The following ADAMTS2 variants were observed in gnomAD, a reference collection of about 807,000 sequenced individuals.
ADAMTS2 encodes the protein A disintegrin and metalloproteinase with thrombospondin motifs 2.
In ADAMTS2, 50 loss-of-function variants were observed where a neutral mutation model predicts 123.0. That is an observed-to-expected ratio of 0.41 (90% CI 0.32 to 0.51). The LOEUF (loss-of-function observed/expected upper bound fraction) is 0.51, where lower values mean the gene tolerates loss of function less well. Ranked by LOEUF, ADAMTS2 falls within the 20% of genes least tolerant of loss-of-function variation. The pLI is 0.35. For missense variants in ADAMTS2, 1,494 were observed against 1,705.2 expected, an observed-to-expected ratio of 0.88 and a Z score of 2.18; for synonymous variants, 678 against 695.4, an observed-to-expected ratio of 0.98 and a Z score of 0.39.
Position 179,183,716 on chromosome 5 carries a change from G to A in ADAMTS2, c.892-2561C>T, listed in dbSNP as rs549283732. Among the ~76,000 whole-genome samples, 35 of 152,338 alleles carry A rather than the reference G, an allele frequency of 2.3e-4. 1 individual carries two copies. The highest frequency in any genetic ancestry group is 6.8e-3 in the Middle Eastern group (2 of 294). On this transcript the variant is annotated intron_variant, in intron 4 of 21. Coordinates refer to ENST00000251582, the MANE Select transcript of ADAMTS2 (RefSeq NM_014244.5). ...CAGGCTTCAGGGCAAGCCCAGGGGG[G>A]CACTGGCCTACAGGAGAGGAGGGCA...
chr5:179,341,962 T>C (rs1353862614), intron 2 of ADAMTS2, among the ~76,000 whole-genome samples: 1 of 152,176 alleles, frequency 6.6e-6, no homozygotes, highest in African/African-American at 2.4e-5. Flanking sequence ...CTTTTCCAGC[T>C]GGCCACTCAT....
At chr5:179,211,282 C>G (rs1168264629) in intron 3 of ADAMTS2, among the ~76,000 whole-genome samples, 1 of 152,244 alleles carries the variant, frequency 6.6e-6, no homozygotes, top group African/African-American at 2.4e-5. Context: ...GCGCACCCAT[C>G]TCCTGCAGAG....
Position 179,175,719 on chromosome 5 carries a change from T to G in ADAMTS2, c.975+5353A>C, listed in dbSNP as rs796354693. On this transcript the variant is annotated intron_variant, in intron 5 of 21. Transcript: ENST00000251582. The surrounding 1 kb of genome is among the most constrained non-coding windows in gnomAD (Gnocchi z 4.1). ...CTTTTAGGTTTTCCCGACACATGAT[T>G]AACAGCAAACAATGAGAATTTGTCT... is the stretch of plus-strand genomic sequence containing the variant. 2.6e-5 allele frequency among the ~76,000 whole-genome samples: 4 copies of G among 152,366 alleles called. No individual in the cohort carries two copies. The highest frequency in any genetic ancestry group is 7.2e-5 in the African/African-American group (3 of 41,586).
At chr5:179,204,643 C>T (rs1420978806) in intron 4 of ADAMTS2, among the ~76,000 whole-genome samples, 2 of 152,218 alleles carry the variant, frequency 1.3e-5, no homozygotes, top group African/African-American at 4.8e-5. Flanking sequence ...CCTCAGGACT[C>T]TCCGGGCATG....
At chr5:179,325,717 G>A (rs1289561332) in intron 2 of ADAMTS2, among the ~76,000 whole-genome samples, 4 of 152,274 alleles carry the variant, frequency 2.6e-5, no homozygotes, top group Non-Finnish European at 5.9e-5. Context: ...GGACCCACGG[G>A]GAGGGCGGCT....
chr5:179,329,154 C>CT (rs369186089), intron 2 of ADAMTS2, among the ~76,000 whole-genome samples: 33 of 152,080 alleles, frequency 2.2e-4, no homozygotes, highest in Admixed American at 7.2e-4. Context: ...GGTGAAACCC[C>CT]GTCTCTACTA....
intron 3 of ADAMTS2, among the ~76,000 whole-genome samples, chr5:179,268,190 CCCT>C (rs1255592474): frequency 6.6e-6 from 1 of 152,168 alleles, no homozygotes; most frequent in African/African-American, 2.4e-5. Flanking sequence ...GAGGGTCTGT[CCCT>C]CCTTGCAGGG....
intron 3 of ADAMTS2, among the ~76,000 whole-genome samples, chr5:179,263,630 C>G (rs1766287862): frequency 6.6e-6 from 1 of 152,240 alleles, no homozygotes; most frequent in African/African-American, 2.4e-5. Flanking sequence ...TGGCGCAGCC[C>G]ACACCTCACG....
intron 20 of ADAMTS2, 185 bp from the exon 21 acceptor site, chr5:179,121,935 C>T (rs1050334752): frequency 1.8e-5 from 8 of 450,314 alleles, no homozygotes; most frequent in South Asian, 4.5e-5. Flanking sequence ...TGACAGCAGC[C>T]GGGGTCTCAG....
intron 2 of ADAMTS2, among the ~76,000 whole-genome samples, chr5:179,311,913 T>C (rs1756844572): frequency 6.6e-6 from 1 of 152,198 alleles, no homozygotes; most frequent in Non-Finnish European, 1.5e-5. Context: ...TTAACAAGTA[T>C]CATTGAATCA....
In ADAMTS2 at chr5:179,343,983, G is replaced by A; in HGVS notation, c.318C>T (p.Gly106=). 1 of 1,612,696 alleles carries A rather than the reference G, an allele frequency of 6.2e-7. No individual in the cohort carries two copies. The highest frequency in any genetic ancestry group is 8.5e-7 in the Non-Finnish European group (1 of 1,179,874). ...CCGTGACATTGTAGAAGAGGTGACT[G>A]CCAGGCTCCTCCTCGTTGCCTCCGG... is the stretch of plus-strand genomic sequence containing the variant. ...SFPGGNEEEP[G]SHLFYNVTVF... Residue 106 remains glycine (G), a synonymous_variant, in exon 2 of 22, where the codon GGC becomes GGT. Coordinates refer to ENST00000251582, the MANE Select transcript of ADAMTS2 (RefSeq NM_014244.5).
At chr5:179,233,547 C>T (rs1010993931) in intron 3 of ADAMTS2, among the ~76,000 whole-genome samples, 43 of 152,086 alleles carry the variant, frequency 2.8e-4, no homozygotes, top group Non-Finnish European at 4.9e-4. Flanking sequence ...ATTAGCCAGG[C>T]GTGTTGGCAG....
In ADAMTS2 at chr5:179,337,798, T is replaced by A. The variant is rs199835921; in HGVS notation, c.534+5969A>T. ...GCTGATTCCCTTACTCACCCAGGTGTGGCCCCTGTGAGCCTCACAGCAGGC... is the reference window on the plus strand; with the variant it reads ...GCTGATTCCCTTACTCACCCAGGTGAGGCCCCTGTGAGCCTCACAGCAGGC... On this transcript the variant is annotated intron_variant, in intron 2 of 21. Transcript: ENST00000251582. 8.6e-3 allele frequency among the ~76,000 whole-genome samples: 1,288 copies of A among 150,144 alleles called. 16 individuals are homozygous for A. Among genetic ancestry groups the A allele is most frequent in the African/African-American group, 0.029 (1,190 of 40,910 alleles).
At position 179,260,883 on chromosome 5, in the gene ADAMTS2, T is replaced by C. The variant is rs573322811; in HGVS notation, c.688+12028A>G. Reference sequence around the variant, plus strand: ...CTTGGACAGTGGTAGCCCTGCACCTTAGTTTTCTCTCTGCTTCCAGGACTA... The same window carrying C: ...CTTGGACAGTGGTAGCCCTGCACCTCAGTTTTCTCTCTGCTTCCAGGACTA... On this transcript the variant is annotated intron_variant, in intron 3 of 21. Coordinates refer to ENST00000251582, the MANE Select transcript of ADAMTS2 (RefSeq NM_014244.5). The surrounding 1 kb of genome is among the most constrained non-coding windows in gnomAD (Gnocchi z 4.2). Among the ~76,000 whole-genome samples the C allele has an allele frequency of 6.6e-6, 1 of 152,286 alleles. No individual in the cohort carries two copies. Among genetic ancestry groups the C allele is most frequent in the East Asian group, 1.9e-4 (1 of 5,166 alleles).
At chr5:179,298,156 T>C (rs967518061) in intron 2 of ADAMTS2, among the ~76,000 whole-genome samples, 2 of 152,084 alleles carry the variant, frequency 1.3e-5, no homozygotes, top group African/African-American at 2.4e-5. Flanking sequence ...CTGACATTCA[T>C]AGAAGCTGAG....
In ADAMTS2 at chr5:179,308,372, G is replaced by A. The variant is rs1756734473; in HGVS notation, c.535-35308C>T. On this transcript the variant is annotated intron_variant, in intron 2 of 21. Transcript: ENST00000251582. The surrounding 1 kb of genome is among the most constrained non-coding windows in gnomAD (Gnocchi z 6.6). ...TCAGCGGTGCCCAGAGAGAGCACTC[G>A]AAATGCCAGCTGGAAAGGTCACGCA... 1.3e-5 allele frequency among the ~76,000 whole-genome samples: 2 copies of A among 152,148 alleles called. No individual in the cohort carries two copies. Among genetic ancestry groups the A allele is most frequent in the Non-Finnish European group, 1.5e-5 (1 of 68,026 alleles).
intron 3 of ADAMTS2, among the ~76,000 whole-genome samples, chr5:179,233,038 G>A (rs1276561199): frequency 6.6e-6 from 1 of 152,180 alleles, no homozygotes; most frequent in African/African-American, 2.4e-5. Flanking sequence ...AAACTCAAGT[G>A]AAAAAGGTTT....
At position 179,225,129 on chromosome 5, in the gene ADAMTS2, C is replaced by T. The variant is rs1561815271; in HGVS notation, c.689-17414G>A. ...CTGAGGAACACTCCCTGGTTATCCA[C>T]ACGGCAACTAACACTCAGCACGCAC... is the stretch of plus-strand genomic sequence containing the variant. On this transcript the variant is annotated intron_variant, in intron 3 of 21. Transcript: ENST00000251582. The surrounding 1 kb of genome is among the most constrained non-coding windows in gnomAD (Gnocchi z 4.5). Among the ~76,000 whole-genome samples, 1 of 152,214 alleles carries T rather than the reference C, an allele frequency of 6.6e-6. No individual in the cohort carries two copies. The highest frequency in any genetic ancestry group is 1.5e-5 in the Non-Finnish European group (1 of 68,048).
At position 179,118,256 on chromosome 5, in the gene ADAMTS2, A is replaced by C. The variant is rs929857912; in HGVS notation, c.3178+3405T>G. 1.3e-5 allele frequency among the ~76,000 whole-genome samples: 2 copies of C among 152,236 alleles called. No homozygotes were observed. The highest frequency in any genetic ancestry group is 4.8e-5 in the African/African-American group (2 of 41,456). On this transcript the variant is annotated intron_variant, in intron 21 of 21. Coordinates refer to ENST00000251582, the MANE Select transcript of ADAMTS2 (RefSeq NM_014244.5). The surrounding 1 kb of genome is among the most constrained non-coding windows in gnomAD (Gnocchi z 4.5). Reference sequence around the variant, plus strand: ...CTAGAAAAATTTCAAAGTCATCATGACCAACTGATCTTAAAGATGCCCCAG... The same window carrying C: ...CTAGAAAAATTTCAAAGTCATCATGCCCAACTGATCTTAAAGATGCCCCAG...
Sources: allele counts gnomAD v4.1 joint callset (sites outside exome capture counted in the v4.1 genomes callset), GRCh38; gene constraint gnomAD v4.1.1; non-coding constraint Gnocchi (gnomAD v3.1); transcripts MANE v1.5; gene names NCBI Gene and HGNC (gene_info 2026-07-23, HGNC 2026-07-21).